Variants in TAOK3 observed in about 807,000 individuals in gnomAD.
TAOK3 encodes the protein serine/threonine-protein kinase TAO3.
In TAOK3, 40 loss-of-function variants were observed where a neutral mutation model predicts 120.4. The ratio of observed to expected loss-of-function variants is 0.33; its 90% CI spans 0.26 to 0.43. The LOEUF (loss-of-function observed/expected upper bound fraction) is 0.43, where lower values mean the gene tolerates loss of function less well. TAOK3 is among the 20% of genes least tolerant of loss of function. The pLI, the probability that TAOK3 is intolerant of heterozygous loss-of-function variation, is 1.00. For missense variants in TAOK3, 821 were observed against 1,112.1 expected, an observed-to-expected ratio of 0.74 and a Z score of 3.72; for synonymous variants, 355 against 387.5, an observed-to-expected ratio of 0.92 and a Z score of 0.99.
At chr12:118,267,234 GA>G (rs2041489264) in intron 1 of TAOK3, among the ~76,000 whole-genome samples, 1 of 151,388 alleles carries the variant, frequency 6.6e-6, no homozygotes, top group South Asian at 2.1e-4. Context: ...TATTTTTTTT[GA>G]GACGGAGTCT....
chr12:118,358,082 G>C (rs1367185762), intron 1 of TAOK3, among the ~76,000 whole-genome samples: 1 of 152,146 alleles, frequency 6.6e-6, no homozygotes, highest in Non-Finnish European at 1.5e-5. Flanking sequence ...CAAGAGACTA[G>C]TGAAGTTGGT....
intron 1 of TAOK3, among the ~76,000 whole-genome samples, chr12:118,288,001 A>G (rs887788331): frequency 6.6e-6 from 1 of 151,666 alleles, no homozygotes; most frequent in Non-Finnish European, 1.5e-5. Context: ...AAGCTTAGAA[A>G]ATAAACCTTC....
chr12:118,188,837 A>G (rs1387927607), intron 14 of TAOK3, among the ~76,000 whole-genome samples: 1 of 152,202 alleles, frequency 6.6e-6, no homozygotes, highest in Non-Finnish European at 1.5e-5. Context: ...AAAACAACTA[A>G]TATTTCAATA....
At chr12:118,207,281 G>A (rs142225588) in intron 11 of TAOK3, among the ~76,000 whole-genome samples, 8,273 of 150,574 alleles carry the variant, frequency 0.055, 357 homozygotes, top group Admixed American at 0.1. Flanking sequence ...AGCCGAGATC[G>A]TGCCATTGCA....
intron 1 of TAOK3, among the ~76,000 whole-genome samples, chr12:118,343,426 C>CAAAAAAA (rs368283127): frequency 1.3e-5 from 1 of 78,624 alleles, no homozygotes. Flanking sequence ...GTCCCTGTCT[C>CAAAAAAA]AAAAAAAAAA....
intron 4 of TAOK3, 108 bp downstream of exon 4, chr12:118,244,786 G>T: frequency 1.4e-6 from 1 of 716,262 alleles, no homozygotes. Flanking sequence ...CCTCGGCCTC[G>T]CAAAGTGCTG....
intron 1 of TAOK3, among the ~76,000 whole-genome samples, chr12:118,319,041 G>A (rs962454588): frequency 6.6e-6 from 1 of 152,200 alleles, no homozygotes; most frequent in African/African-American, 2.4e-5. Context: ...CAGAAGCAGA[G>A]AATACAATGG....
At chr12:118,344,023 T>A (rs1303467318) in intron 1 of TAOK3, among the ~76,000 whole-genome samples, 1 of 148,082 alleles carries the variant, frequency 6.8e-6, no homozygotes, top group Non-Finnish European at 1.5e-5. Context: ...AAAAAAAAAA[T>A]CCACTAGAAT....
At chr12:118,267,613 G>A (rs1471799235) in intron 1 of TAOK3, among the ~76,000 whole-genome samples, 1 of 150,680 alleles carries the variant, frequency 6.6e-6, no homozygotes, top group Admixed American at 6.6e-5. Context: ...CCGGCCGGAC[G>A]CAGTGGCTCA....
rs1592982209 is a variant in TAOK3, at chr12:118,161,676, A to T, written c.2139+112T>A. ...TTGCAACTGGAGATTCTGATACAAT[A>T]GGTGTGGGGTGCAGAAATTTGTGAT... On this transcript the variant is annotated intron_variant, in intron 18 of 20. Transcript: ENST00000392533. This position sits in a 1 kb window ranked among gnomAD's most constrained non-coding sequence, Gnocchi z 4.5. 7.5e-7 allele frequency: 1 copy of T among 1,338,702 alleles called. No homozygotes were observed. The highest frequency in any genetic ancestry group is 2.3e-5 in the East Asian group (1 of 43,222). 82.9% of individuals were successfully genotyped at this position (1,338,702 alleles called of 1,614,324 possible).
intron 1 of TAOK3, among the ~76,000 whole-genome samples, chr12:118,332,217 A>G (rs1431834795): frequency 6.6e-6 from 1 of 152,156 alleles, no homozygotes; most frequent in East Asian, 1.9e-4. Context: ...CTTTCTTAAG[A>G]AAGACAGATA....
intron 14 of TAOK3, among the ~76,000 whole-genome samples, chr12:118,189,081 TAC>T (rs1020996795): frequency 6.6e-6 from 1 of 152,230 alleles, no homozygotes; most frequent in African/African-American, 2.4e-5. Flanking sequence ...TGAAGAATCC[TAC>T]AGTCTCTTTT....
intron 1 of TAOK3, among the ~76,000 whole-genome samples, chr12:118,301,841 C>CAA (rs777882071): frequency 0.052 from 3,604 of 68,700 alleles, 149 homozygotes; most frequent in East Asian, 0.27. Context: ...GACTCCATCT[C>CAA]AAAAAAAAAA....
rs375319743 is a variant in TAOK3, at chr12:118,172,511, G to A, written c.1845C>T (p.Phe615=). ...RLYYDKNCRF[F]KRKIMIKRHE... ...GCCGCTTGATCATTATTTTCCGCTT[G>A]AAGAAACGACAATTTTTGTCGTAGT... is the stretch of plus-strand genomic sequence containing the variant. The change falls in exon 17 of 21, where the codon TTC becomes TTT. Residue 615 remains phenylalanine, a synonymous_variant. Transcript: ENST00000392533. The A allele has an allele frequency of 6.9e-5, 112 of 1,614,028 alleles. No homozygotes were observed. The highest frequency in any genetic ancestry group is 3.3e-4 in the Middle Eastern group (2 of 6,084).
intron 11 of TAOK3, among the ~76,000 whole-genome samples, chr12:118,207,081 C>T (rs1332113821): frequency 6.6e-6 from 1 of 151,830 alleles, no homozygotes; most frequent in Non-Finnish European, 1.5e-5. Context: ...AATCCCAGCA[C>T]CTTGGGAGGC....
intron 1 of TAOK3, among the ~76,000 whole-genome samples, chr12:118,291,242 T>C (rs1400745452): frequency 6.6e-6 from 1 of 150,494 alleles, no homozygotes; most frequent in Non-Finnish European, 1.5e-5. Context: ...CTGTACCCTC[T>C]GCCTCCTGGG....
chr12:118,227,481 A>C (rs989540128), intron 9 of TAOK3, among the ~76,000 whole-genome samples: 3 of 151,960 alleles, frequency 2.0e-5, no homozygotes, highest in Admixed American at 6.6e-5. Flanking sequence ...GGCCTAAAAC[A>C]TAAATTACAA....
At chr12:118,202,398 G>A (rs1309032223) in intron 11 of TAOK3, among the ~76,000 whole-genome samples, 1 of 152,014 alleles carries the variant, frequency 6.6e-6, no homozygotes, top group Non-Finnish European at 1.5e-5. Context: ...GGGATTATTG[G>A]AACAAATTAA....
At chr12:118,207,041 A>T (rs1372082586) in intron 11 of TAOK3, among the ~76,000 whole-genome samples, 3 of 152,140 alleles carry the variant, frequency 2.0e-5, no homozygotes, top group African/African-American at 7.2e-5. Context: ...AAAAAAAGAA[A>T]ATCGGCCAGG....
Sources: gnomAD v4.1 joint callset for allele counts (sites outside exome capture counted in the v4.1 genomes callset) on GRCh38, gnomAD v4.1.1 for gene constraint, Gnocchi (gnomAD v3.1) non-coding constraint, MANE v1.5 for transcripts, NCBI Gene and HGNC (gene_info 2026-07-23, HGNC 2026-07-21) for gene names.